CCDC93: variants seen among roughly 807,000 people sequenced by gnomAD.
CCDC93 encodes coiled-coil domain-containing protein 93.
A neutral mutation model predicts 108.2 loss-of-function variants in CCDC93; 61 were observed. That is an observed-to-expected ratio of 0.56 (90% CI 0.46 to 0.70). The LOEUF is 0.70. Among genes scored for constraint, CCDC93 ranks in the 30% least tolerant of loss-of-function variants. The probability of loss-of-function intolerance (pLI) is 0.00; values close to 1 mark genes in which losing one functional copy is unlikely to be tolerated. For missense variants in CCDC93, 685 were observed against 764.2 expected (o/e 0.90, Z 1.22); for synonymous variants, 276 against 260.4 (o/e 1.06, Z -0.58).
In CCDC93 at chr2:117,935,377, T is replaced by C; in HGVS notation, c.1728+118A>G. 5.6e-6 allele frequency: 4 copies of C among 708,714 alleles called. No individual in the cohort carries two copies. The South Asian group carries it at 7.1e-5, about 13-fold the overall frequency. The allele number at this position is 708,714 out of a possible 1,614,324, so 43.9% of individuals were successfully genotyped here. A position where few individuals can be genotyped will look rare whatever the true frequency, so the allele number is the denominator to read the frequency against. The stretch of plus-strand genomic sequence containing the variant: ...TGGTGGGAATACCTCTGTAGAAATG[T>C]GTCTTTTCAGGATTGAGGGCACACT... On this transcript the variant is annotated intron_variant, in intron 22 of 23. Transcript: ENST00000376300.
At chr2:117,951,217 T>TA (rs1243314803) in intron 13 of CCDC93, 17 of 985,256 alleles carry the variant, frequency 1.7e-5, no homozygotes, top group Non-Finnish European at 2.0e-5. Context: ...TCTGCGGCAT[T>TA]AAAATATCAC....
intron 7 of CCDC93, among the ~76,000 whole-genome samples, chr2:117,983,080 T>C (rs992737690): frequency 6.6e-6 from 1 of 152,198 alleles, no homozygotes; most frequent in East Asian, 1.9e-4. Context: ...AACACAAGTG[T>C]CTTCCATCCA....
chr2:117,950,646 C>T (rs1466672727), intron 13 of CCDC93: 1 of 985,316 alleles, frequency 1.0e-6, no homozygotes, highest in Admixed American at 6.1e-5. Flanking sequence ...AGCGCTCATT[C>T]TGCTTACTCC....
In CCDC93 at chr2:118,000,876, A is replaced by G. The variant is rs1181326878; in HGVS notation, c.308T>C (p.Leu103Pro). 6.2e-7 allele frequency: 1 copy of G among 1,613,870 alleles called. No homozygotes were observed. Residue 103 changes from leucine (L) to proline (P), a missense_variant, in exon 4 of 24, where the codon CTG (leucine) becomes CCG (proline). Physicochemically the swap from Leu to Pro is moderately conservative, Grantham distance 98 (BLOSUM62 -3). Coordinates refer to ENST00000376300, the MANE Select transcript of CCDC93 (RefSeq NM_019044.5). ...VLPRMKCPHQ[L>P]EPHQIQGMDF... Reference sequence around the variant, plus strand: ...CATCCCCTGGATCTGGTGGGGCTCCAGCTGGTGTGGGCATTTCATCCTTGG... The same window carrying G: ...CATCCCCTGGATCTGGTGGGGCTCCGGCTGGTGTGGGCATTTCATCCTTGG...
At chr2:118,012,689 G>A (rs1389146331) in intron 1 of CCDC93, 1 of 152,176 alleles carries the variant, frequency 6.6e-6, no homozygotes, top group Non-Finnish European at 1.5e-5. Context: ...TCCCATCCCA[G>A]GCAACGTGCA....
chr2:117,996,477 G>A (rs1158532831), intron 4 of CCDC93, 115 bp from the exon 5 acceptor site: 1 of 688,226 alleles, frequency 1.5e-6, no homozygotes, highest in Non-Finnish European at 2.6e-6. Flanking sequence ...GAACTGACTA[G>A]GTGATAAGAA....
chr2:117,931,993 GAC>G (rs1226292656), intron 22 of CCDC93, among the ~76,000 whole-genome samples: 3 of 152,222 alleles, frequency 2.0e-5, no homozygotes, highest in South Asian at 4.2e-4. Flanking sequence ...CTGACAAACA[GAC>G]ACACAAAATA....
At chr2:117,920,434 T>C in intron 23 of CCDC93, 38 bp from the exon 24 acceptor site, 1 of 1,479,364 alleles carries the variant, frequency 6.8e-7, no homozygotes, top group Non-Finnish European at 9.4e-7. Flanking sequence ...GAGTGGTGAC[T>C]ACATTAGCAC....
rs566771665 is a variant in CCDC93 at position 117,934,319 on chromosome 2, A to G, written c.1728+1176T>C. Among the ~76,000 whole-genome samples the G allele has an allele frequency of 8.5e-5, 13 of 152,280 alleles. 1 individual carries two copies. The South Asian group carries it at 2.7e-3, about 32-fold the overall frequency. The stretch of plus-strand genomic sequence containing the variant: ...CCTGGGTTGTCAGAGGCTTTTGGTC[A>G]GCCAGGTTCTCTGCCCTCCACCTAC... On this transcript the variant is annotated intron_variant, in intron 22 of 23. Transcript: ENST00000376300.
At chr2:118,008,909 G>A in intron 1 of CCDC93, 1 of 456,400 alleles carries the variant, frequency 2.2e-6, no homozygotes, top group Admixed American at 3.9e-5. Flanking sequence ...TGCCCAAGTA[G>A]TATATACTAC....
At chr2:117,973,609 A>G (rs1033422280) in intron 11 of CCDC93, among the ~76,000 whole-genome samples, 1 of 152,190 alleles carries the variant, frequency 6.6e-6, no homozygotes, top group Non-Finnish European at 1.5e-5. Context: ...GATAGAAAAG[A>G]AAAAATGCTC....
At chr2:117,983,817 G>GTA (rs1356937448) in intron 7 of CCDC93, among the ~76,000 whole-genome samples, 1 of 152,074 alleles carries the variant, frequency 6.6e-6, no homozygotes, top group Non-Finnish European at 1.5e-5. Context: ...TGTTGGGGCT[G>GTA]TACATTTTAT....
At chr2:117,980,107 T>A (rs1680071749) in intron 7 of CCDC93, among the ~76,000 whole-genome samples, 1 of 152,140 alleles carries the variant, frequency 6.6e-6, no homozygotes, top group Admixed American at 6.5e-5. Context: ...AGCACCAGCT[T>A]CCCAATCCTA....
chr2:117,959,355 C>T (rs1679318296), intron 11 of CCDC93, among the ~76,000 whole-genome samples: 1 of 152,170 alleles, frequency 6.6e-6, no homozygotes, highest in African/African-American at 2.4e-5. Flanking sequence ...CAGTCAAACA[C>T]CAACAATAAA....
rs1291469998 is a variant in CCDC93, at chr2:117,975,256, G to A, written c.682C>T (p.Pro228Ser). The A allele has an allele frequency of 3.1e-6, 5 of 1,613,436 alleles. No individual in the cohort carries two copies. The highest frequency in any genetic ancestry group is 4.2e-6 in the Non-Finnish European group (5 of 1,179,936). The change falls in exon 9 of 24, where the codon CCA becomes TCA. Residue 228 changes from proline (P) to serine (S), a missense_variant. Transcript: ENST00000376300. ...EKAEDKKTAL[P>S]AGLSATEKAD... ...TTTTCTGTAGCTGACAGCCCTGCTG[G>A]AAGTGCCGTTTTCTTGTCCTCAGCC...
chr2:117,983,595 T>C (rs1419154125), intron 7 of CCDC93, among the ~76,000 whole-genome samples: 1 of 130,312 alleles, frequency 7.7e-6, no homozygotes, highest in Admixed American at 7.5e-5. Context: ...ATGGTTAACA[T>C]TTACTGTTTT....
intron 12 of CCDC93, among the ~76,000 whole-genome samples, chr2:117,954,157 C>T (rs1679147774): frequency 6.6e-6 from 1 of 152,176 alleles, no homozygotes; most frequent in African/African-American, 2.4e-5. Flanking sequence ...CTTGTGTAGC[C>T]TCTCACCCCT....
intron 9 of CCDC93, 68 bp from the exon 10 acceptor site, chr2:117,974,968 A>G: frequency 4.5e-6 from 6 of 1,332,992 alleles, no homozygotes; most frequent in Non-Finnish European, 6.4e-6. Context: ...CAATATGCCT[A>G]CATGGATCTT....
At chr2:117,971,299 G>C (rs145249899) in intron 11 of CCDC93, among the ~76,000 whole-genome samples, 1 of 152,320 alleles carries the variant, frequency 6.6e-6, no homozygotes, top group Non-Finnish European at 1.5e-5. Context: ...GGAGACCAAG[G>C]CTAAAGTGAG....
Sources: allele counts gnomAD v4.1 joint callset (sites outside exome capture counted in the v4.1 genomes callset), GRCh38; gene constraint gnomAD v4.1.1; transcripts MANE v1.5; gene names NCBI Gene and HGNC (gene_info 2026-07-23, HGNC 2026-07-21).